Variants in ADARB2 observed in about 807,000 individuals in gnomAD.
ADARB2 encodes the protein inactive double-stranded RNA-specific editase B2.
In ADARB2, 25 loss-of-function variants were observed where a neutral mutation model predicts 62.2. The observed-to-expected ratio is 0.40, with a 90% CI of 0.29 to 0.56. The LOEUF is 0.56. Among genes scored for constraint, ADARB2 ranks in the 20% least tolerant of loss-of-function variants. The pLI is 0.43. For synonymous variants in ADARB2, 572 were observed against 500.8 expected (o/e 1.14, Z -1.90); for missense variants, 1,071 against 1,077.4 (o/e 0.99, Z 0.08).
chr10:1,218,573 G>T (rs1830653973), intron 6 of ADARB2, among the ~76,000 whole-genome samples: 1 of 152,146 alleles, frequency 6.6e-6, no homozygotes, highest in Non-Finnish European at 1.5e-5. Context: ...GCTTGATATG[G>T]CTGGGATCCG....
chr10:1,333,814 T>C (rs1031068787), intron 3 of ADARB2, among the ~76,000 whole-genome samples: 10 of 152,170 alleles, frequency 6.6e-5, no homozygotes, highest in African/African-American at 2.2e-4. Context: ...CCAACTTACC[T>C]GTAATGCCAC....
intron 1 of ADARB2, among the ~76,000 whole-genome samples, chr10:1,387,570 C>A (rs1832535504): frequency 6.6e-6 from 1 of 151,846 alleles, no homozygotes; most frequent in African/African-American, 2.4e-5. Flanking sequence ...AGCAGAAAAC[C>A]AGAAGAGTGC....
chr10:1,661,640 G>A (rs752406995), intron 1 of ADARB2, among the ~76,000 whole-genome samples: 3 of 152,190 alleles, frequency 2.0e-5, no homozygotes, highest in Non-Finnish European at 2.9e-5. Context: ...CCAGCCCAGA[G>A]CAGAGACAGA....
At chr10:1,310,132 A>G (rs1831675256) in intron 3 of ADARB2, among the ~76,000 whole-genome samples, 2 of 152,324 alleles carry the variant, frequency 1.3e-5, no homozygotes, top group South Asian at 2.1e-4. Context: ...TAAGTCACTC[A>G]TCAGATGTTG....
intron 3 of ADARB2, among the ~76,000 whole-genome samples, chr10:1,335,525 G>A (rs1436697533): frequency 7.2e-5 from 11 of 151,908 alleles, no homozygotes; most frequent in Non-Finnish European, 4.4e-5. Context: ...ATGGATGGAT[G>A]GAGGGTTGGA....
intron 3 of ADARB2, among the ~76,000 whole-genome samples, chr10:1,308,585 C>T (rs1831654412): frequency 6.6e-6 from 1 of 152,196 alleles, no homozygotes; most frequent in Non-Finnish European, 1.5e-5. Context: ...ACGCTGTCTT[C>T]CACAGTGGGT....
At chr10:1,375,116 T>A (rs888072046) in intron 2 of ADARB2, among the ~76,000 whole-genome samples, 2 of 152,074 alleles carry the variant, frequency 1.3e-5, no homozygotes, top group Non-Finnish European at 2.9e-5. Flanking sequence ...AAGGAGCAGG[T>A]GCGGCTGTCA....
intron 7 of ADARB2, among the ~76,000 whole-genome samples, chr10:1,206,549 G>A (rs1171472130): frequency 1.3e-5 from 2 of 151,814 alleles, no homozygotes; most frequent in African/African-American, 2.4e-5. Flanking sequence ...GTGCCTGTGC[G>A]GTCTGAGAGA....
chr10:1,497,517 C>T (rs1648161877), intron 1 of ADARB2, among the ~76,000 whole-genome samples: 1 of 152,162 alleles, frequency 6.6e-6, no homozygotes, highest in Non-Finnish European at 1.5e-5. Flanking sequence ...TCTAATTCAT[C>T]AGTTCCTCTC....
chr10:1,475,381 AGGCAGG>A (rs1405948795), intron 1 of ADARB2, among the ~76,000 whole-genome samples: 1 of 152,160 alleles, frequency 6.6e-6, no homozygotes, highest in Non-Finnish European at 1.5e-5. Flanking sequence ...TGTGACGGGA[AGGCAGG>A]GGCCTTCACT....
At chr10:1,245,329 TTTTTTC>T (rs1031140296) in intron 4 of ADARB2, among the ~76,000 whole-genome samples, 12 of 152,246 alleles carry the variant, frequency 7.9e-5, no homozygotes, top group African/African-American at 2.9e-4. Context: ...TTATTTTTTG[TTTTTTC>T]TTTTTCTTTT....
chr10:1,688,626 TCA>T (rs1465328853), intron 1 of ADARB2, among the ~76,000 whole-genome samples: 2 of 152,096 alleles, frequency 1.3e-5, no homozygotes, highest in East Asian at 3.9e-4. Flanking sequence ...GACTGTCATG[TCA>T]CACACACTCA....
intron 3 of ADARB2, among the ~76,000 whole-genome samples, chr10:1,335,505 AGATGGATG>A (rs371618685): frequency 6.9e-6 from 1 of 145,392 alleles, no homozygotes; most frequent in African/African-American, 2.6e-5. Context: ...GTAGAAGGAC[AGATGGATG>A]GATGGATGGA....
chr10:1,599,057 G>A (rs902377089), intron 1 of ADARB2, among the ~76,000 whole-genome samples: 4 of 152,224 alleles, frequency 2.6e-5, no homozygotes, highest in Admixed American at 2.0e-4. Context: ...CCATGTTAAC[G>A]GGAGGACTCA....
At position 1,678,474 on chromosome 10, in the gene ADARB2, A is replaced by G. The variant is rs1002056425; in HGVS notation, c.100+58577T>C. 6 of 420,004 alleles carry G rather than the reference A, an allele frequency of 1.4e-5. 1 individual carries two copies. In the Admixed American group the frequency reaches 2.6e-4, roughly 18 times the overall value. The allele number at this position is 420,004 out of a possible 1,614,324, so 26.0% of individuals were successfully genotyped here. The stretch of plus-strand genomic sequence containing the variant: ...AGGGTCACACTCAAGGTCACCGAGA[A>G]CTTTGGGGCATGCAGGGGGGCTGCC... On this transcript the variant is annotated intron_variant, in intron 1 of 9. Transcript: ENST00000381312.
chr10:1,363,953 G>A lies in ADARB2; in HGVS notation c.188-36C>T, dbSNP rs774131888. On this transcript the variant is annotated intron_variant, in intron 2 of 9. Coordinates refer to ENST00000381312, the MANE Select transcript of ADARB2 (RefSeq NM_018702.4). ...GAACAGACCAGTCAGGAGCCTGGGC[G>A]GGCGCCGGCAGGTCGATGGGCACAG... 1.4e-5 allele frequency: 20 copies of A among 1,419,282 alleles called. No homozygotes were observed. The Admixed American group carries it at 4.7e-4, about 34-fold the overall frequency. The allele number at this position is 1,419,282 out of a possible 1,614,324, so 87.9% of individuals were successfully genotyped here.
intron 1 of ADARB2, among the ~76,000 whole-genome samples, chr10:1,558,727 A>G (rs1288522057): frequency 1.5e-5 from 2 of 136,070 alleles, no homozygotes; most frequent in Non-Finnish European, 3.1e-5. Flanking sequence ...CAGCCCCCGC[A>G]TGCTCCATCT....
chr10:1,450,016 A>G (rs1831017525), intron 1 of ADARB2, among the ~76,000 whole-genome samples: 1 of 152,212 alleles, frequency 6.6e-6, no homozygotes, highest in African/African-American at 2.4e-5. Flanking sequence ...CGTGGCCAGC[A>G]TGACGCTTGA....
At chr10:1,371,010 A>G (rs1564272043) in intron 2 of ADARB2, among the ~76,000 whole-genome samples, 1 of 152,382 alleles carries the variant, frequency 6.6e-6, no homozygotes, top group South Asian at 2.1e-4. Flanking sequence ...TCCTGAGAAA[A>G]AGAACAGATC....
Sources: allele counts gnomAD v4.1 joint callset (sites outside exome capture counted in the v4.1 genomes callset), GRCh38; gene constraint gnomAD v4.1.1; transcripts MANE v1.5; gene names NCBI Gene and HGNC (gene_info 2026-07-23, HGNC 2026-07-21).